The following WDR46 variants were observed in gnomAD, a reference collection of about 807,000 sequenced individuals.
WDR46 encodes WD repeat domain 46.
Under a neutral mutation model 74.7 loss-of-function variants are expected in WDR46, and 58 were observed. That is an observed-to-expected ratio of 0.78 (90% CI 0.63 to 0.97). The LOEUF is 0.97. Ranked by LOEUF, WDR46 falls within the 50% of genes least tolerant of loss-of-function variation. The pLI is 0.00. For synonymous variants in WDR46, 278 were observed against 297.3 expected, an observed-to-expected ratio of 0.93 and a Z score of 0.67; for missense variants, 702 against 790.1, an observed-to-expected ratio of 0.89 and a Z score of 1.34.
rs764950576 is a variant in WDR46, at chr6:33,279,365, G to A, written c.1744C>T (p.Arg582Trp). Reference protein sequence around the residue: ...VMDEEHRDKVRQSLQQQHHKE... With the variant: ...VMDEEHRDKVWQSLQQQHHKE... ...TGATGCTGCTGCTGAAGGCTCTGCC[G>A]GACCTTGTCCTGGGGACCGGAGACG... The change falls in exon 15 of 15, where the codon CGG becomes TGG. Residue 582 changes from arginine to tryptophan, a missense_variant. Physicochemically the swap from Arg to Trp is moderately radical, Grantham distance 101. Transcript: ENST00000374617. The A allele has an allele frequency of 1.3e-5, 21 of 1,613,976 alleles. No homozygotes were observed. Among genetic ancestry groups the A allele is most frequent in the East Asian group, 2.2e-5 (1 of 44,890 alleles).
chr6:33,279,578 C>T lies in WDR46; in HGVS notation c.1653G>A (p.Gln551=). ...TGCGGCCCTTCTGCTTTGGCTTTGGCTGGAAGGGAGCCTTAGCCTGCGGGT... is the reference window on the plus strand; with the variant it reads ...TGCGGCCCTTCTGCTTTGGCTTTGGTTGGAAGGGAGCCTTAGCCTGCGGGT... The part of the protein sequence containing the change: ...GYDPQAKAPF[Q]PKPKQKGRSS... Residue 551 remains glutamine, a synonymous_variant, in exon 14 of 15, where the codon CAG becomes CAA. Coordinates refer to ENST00000374617, the MANE Select transcript of WDR46 (RefSeq NM_005452.6). The T allele has an allele frequency of 6.2e-7, 1 of 1,614,164 alleles. No individual in the cohort carries two copies. The highest frequency in any genetic ancestry group is 1.7e-5 in the Admixed American group (1 of 60,028).
rs34931270 is a variant in WDR46 at position 33,288,876 on chromosome 6, G to A, written c.207C>T (p.Ile69=). ...TCTTCGGGACCTGAGGCTTCTTAGA[G>A]ATCCGAGACTTCTTTAAGATGTAAG... ...KNAYILKKSR[I]SKKPQVPKKP... Residue 69 remains isoleucine, a synonymous_variant, in exon 2 of 15, where the codon ATC becomes ATT. Transcript: ENST00000374617. 0.031 allele frequency: 50,098 copies of A among 1,614,120 alleles called. 1,022 individuals carry two copies. The highest frequency in any genetic ancestry group is 0.036 in the Middle Eastern group (218 of 6,060).
At chr6:33,281,411 T>C (rs1242811778) in intron 10 of WDR46, among the ~76,000 whole-genome samples, 1 of 152,070 alleles carries the variant, frequency 6.6e-6, no homozygotes, top group Non-Finnish European at 1.5e-5. Context: ...TCAGAAAGGC[T>C]TCATGGGAAA....
chr6:33,288,945 A>C lies in WDR46; in HGVS notation c.138T>G (p.Arg46=). Reference sequence around the variant, plus strand: ...GACGGAGCTCCCGATTCTTCTTGTTACGAGGAGGCCCTGGAGAGGCTCCGG... The same window carrying C: ...GACGGAGCTCCCGATTCTTCTTGTTCCGAGGAGGCCCTGGAGAGGCTCCGG... ...TTAGASPGPP[R]NKKNRELRPQ... is the part of the protein sequence containing the mutation. Residue 46 remains arginine (R), a synonymous_variant, in exon 2 of 15, where the codon CGT becomes CGG. Transcript: ENST00000374617. 1 of 1,614,022 alleles carries C rather than the reference A, an allele frequency of 6.2e-7. No individual in the cohort carries two copies. The highest frequency in any genetic ancestry group is 8.5e-7 in the Non-Finnish European group (1 of 1,180,012).
In WDR46 at chr6:33,280,960, G is replaced by C. The variant is rs756118182; in HGVS notation, c.1143C>G (p.His381Gln). ...GTYMATSGLD[H>Q]QLKIFDLRGT... ...CTCGCAAGTCAAAGATCTTCAGCTG[G>C]TGGTCTAGGCCAGAGGTGGCCATGT... Residue 381 changes from histidine to glutamine, a missense_variant, in exon 11 of 15, where the codon CAC (histidine) becomes CAG (glutamine). Physicochemically the swap from His to Gln is conservative, Grantham distance 24. Transcript: ENST00000374617. 25 of 1,612,316 alleles carry C rather than the reference G, an allele frequency of 1.6e-5. No homozygotes were observed. Among genetic ancestry groups the C allele is most frequent in the Non-Finnish European group, 2.0e-5 (24 of 1,178,938 alleles).
At chr6:33,286,610 G>A (rs1466861744) in intron 10 of WDR46, among the ~76,000 whole-genome samples, 185 bp downstream of exon 10, 2 of 152,038 alleles carry the variant, frequency 1.3e-5, no homozygotes, top group South Asian at 2.1e-4. Flanking sequence ...TCCATTTTCG[G>A]GGTCAGGAAA....
intron 10 of WDR46, among the ~76,000 whole-genome samples, chr6:33,286,140 C>T: frequency 7.4e-6 from 1 of 135,510 alleles, no homozygotes. Flanking sequence ...GACTACGTCT[C>T]TCTCAAAAGA....
chr6:33,289,056 G>A (rs763936921), intron 1 of WDR46, 43 bp from the exon 2 acceptor site: 3 of 1,008,532 alleles, frequency 3.0e-6, no homozygotes, highest in African/African-American at 2.1e-5. Context: ...CCCGCCCCCC[G>A]ACCCCACAGC....
chr6:33,280,263 A>AG (rs72654502), intron 12 of WDR46, among the ~76,000 whole-genome samples, 165 bp downstream of exon 12: 6,763 of 148,686 alleles, frequency 0.045, 517 homozygotes, highest in African/African-American at 0.15. Context: ...CTTCTCCAGC[A>AG]GGGGGGAACC....
chr6:33,279,693 G>A, intron 13 of WDR46, 71 bp downstream of exon 13: 4 of 1,612,564 alleles, frequency 2.5e-6, no homozygotes, highest in Non-Finnish European at 3.4e-6. Context: ...CGCACTTCTG[G>A]GGACAAGCCA....
rs1581662107 is a variant in WDR46, at chr6:33,279,546, G to A, written c.1685C>T (p.Thr562Met). The A allele has an allele frequency of 5.6e-6, 9 of 1,613,992 alleles. No homozygotes were observed. The highest frequency in any genetic ancestry group is 1.7e-5 in the Admixed American group (1 of 60,010). ...CCTCTTCCTCTTCACCAGGCTTGCCGTGGAGCTGCGGCCCTTCTGCTTTGG... is the reference window on the plus strand; with the variant it reads ...CCTCTTCCTCTTCACCAGGCTTGCCATGGAGCTGCGGCCCTTCTGCTTTGG... ...PKPKQKGRSS[T>M]ASLVKRKRKV... is the part of the protein sequence containing the mutation. The change falls in exon 14 of 15, where the codon ACG becomes ATG. Residue 562 changes from threonine to methionine, a missense_variant. Transcript: ENST00000374617.
intron 12 of WDR46, 98 bp downstream of exon 12, chr6:33,280,330 T>C (rs1225609750): frequency 7.6e-7 from 1 of 1,318,552 alleles, no homozygotes; most frequent in Non-Finnish European, 1.0e-6. Context: ...AACCTGACCT[T>C]CTCCAGGAAG....
Position 33,279,174 on chromosome 6 carries a change from G to A in WDR46, c.*102C>T. On this transcript the variant is annotated 3_prime_UTR_variant, in exon 15 of 15. Transcript: ENST00000374617. ...GAGACAGCTGTCCACCCCCAGTTGGGGAAGGGGCCACACTGCCCCCACCTC... is the reference window on the plus strand; with the variant it reads ...GAGACAGCTGTCCACCCCCAGTTGGAGAAGGGGCCACACTGCCCCCACCTC... 4.0e-6 allele frequency: 6 copies of A among 1,515,918 alleles called. 1 individual carries two copies. In the South Asian group the frequency reaches 7.3e-5, roughly 19 times the overall value. The allele number at this position is 1,515,918 out of a possible 1,614,324, so 93.9% of individuals were successfully genotyped here. A position where few individuals can be genotyped will look rare whatever the true frequency, so the allele number is the denominator to read the frequency against.
Position 33,286,838 on chromosome 6 carries a change from G to T in WDR46, c.1072C>A (p.His358Asn). 2 of 1,614,112 alleles carry T rather than the reference G, an allele frequency of 1.2e-6. No homozygotes were observed. Among genetic ancestry groups the T allele is most frequent in the Non-Finnish European group, 1.7e-6 (2 of 1,180,032 alleles). ...MKEPLAKILCHRGGVRAVAVD... is the reference protein window; with the variant it reads ...MKEPLAKILCNRGGVRAVAVD... ...GCCACAGCCCGGACCCCACCACGAT[G>T]ACAGAGAATCTTTGCCAGTGGCTCC... is the stretch of plus-strand genomic sequence containing the variant. The change falls in exon 10 of 15, where the codon CAT (histidine) becomes AAT (asparagine). Residue 358 changes from histidine to asparagine, a missense_variant. His to Asn is a moderately conservative substitution (Grantham distance 68, BLOSUM62 1). Coordinates refer to ENST00000374617, the MANE Select transcript of WDR46 (RefSeq NM_005452.6).
Position 33,289,020 on chromosome 6 carries a change from G to A in WDR46, c.70-7C>T. 6.2e-7 allele frequency: 1 copy of A among 1,613,874 alleles called. No homozygotes were observed. Among genetic ancestry groups the A allele is most frequent in the Non-Finnish European group, 8.5e-7 (1 of 1,179,932 alleles). On this transcript the variant is annotated splice_polypyrimidine_tract_variant and splice_region_variant and intron_variant, in intron 1 of 14. Transcript: ENST00000374617. ...CCCAGTATCGCCGCGGTTTCTACAG[G>A]CACATCAGGAACTCCGCACTCACGC...
At chr6:33,287,799 C>A in intron 6 of WDR46, 81 bp from the exon 7 acceptor site, 4 of 1,554,990 alleles carry the variant, frequency 2.6e-6, no homozygotes, top group Non-Finnish European at 3.5e-6. Flanking sequence ...CCACGCCAGC[C>A]CCATCTCTCC....
intron 10 of WDR46, among the ~76,000 whole-genome samples, chr6:33,285,979 A>G (rs1035135395): frequency 6.7e-6 from 1 of 149,494 alleles, no homozygotes; most frequent in Non-Finnish European, 1.5e-5. Flanking sequence ...CGTCTCTACA[A>G]AAAAATACAA....
chr6:33,288,726 G>A, intron 2 of WDR46, 32 bp from the exon 3 acceptor site: 1 of 1,613,166 alleles, frequency 6.2e-7, no homozygotes, highest in South Asian at 1.1e-5. Flanking sequence ...TTAGCAGACA[G>A]CCTTGGATTG....
In WDR46 at chr6:33,286,824, G is replaced by A; in HGVS notation, c.1086C>T (p.Val362=). Residue 362 remains valine, a synonymous_variant, in exon 10 of 15, where the codon GTC becomes GTT. Coordinates refer to ENST00000374617, the MANE Select transcript of WDR46 (RefSeq NM_005452.6). ...LAKILCHRGG[V]RAVAVDSTGT... is the part of the protein sequence containing the mutation. ...CTGTAGAATCTACTGCCACAGCCCG[G>A]ACCCCACCACGATGACAGAGAATCT... 1 of 1,614,052 alleles carries A rather than the reference G, an allele frequency of 6.2e-7. No homozygotes were observed. Among genetic ancestry groups the A allele is most frequent in the Non-Finnish European group, 8.5e-7 (1 of 1,180,018 alleles).
Sources: allele counts gnomAD v4.1 joint callset (sites outside exome capture counted in the v4.1 genomes callset), GRCh38; gene constraint gnomAD v4.1.1; transcripts MANE v1.5; gene names NCBI Gene and HGNC (gene_info 2026-07-23, HGNC 2026-07-21).